ZNF708: variants seen among roughly 807,000 people sequenced by gnomAD.
The protein encoded by ZNF708 is ZNF15, ZNF15L1.
In ZNF708, 44 loss-of-function variants were observed where a neutral mutation model predicts 47.0. The ratio of observed to expected loss-of-function variants is 0.94; its 90% CI spans 0.74 to 1.20. The LOEUF (loss-of-function observed/expected upper bound fraction) is 1.20, where lower values mean the gene tolerates loss of function less well. Ranked by LOEUF, ZNF708 falls within the 50% of genes most tolerant of loss-of-function variation. The pLI, the probability that ZNF708 is intolerant of heterozygous loss-of-function variation, is 0.00. For missense variants in ZNF708, 557 were observed against 656.0 expected (o/e 0.85, Z 1.65); for synonymous variants, 184 against 218.5 (o/e 0.84, Z 1.39).
intron 3 of ZNF708, among the ~76,000 whole-genome samples, chr19:21,303,020 G>A (rs538146513): frequency 7.2e-5 from 11 of 152,142 alleles, no homozygotes; most frequent in African/African-American, 2.7e-4. Flanking sequence ...GGTCAAAGTG[G>A]GCTGATCACT....
At chr19:21,313,823 A>C (rs1972951961) in intron 1 of ZNF708, among the ~76,000 whole-genome samples, 2 of 152,014 alleles carry the variant, frequency 1.3e-5, no homozygotes, top group Non-Finnish European at 2.9e-5. Context: ...GATTACAGAA[A>C]GAGTTTAATG....
intron 1 of ZNF708, among the ~76,000 whole-genome samples, chr19:21,323,978 G>A (rs1442046373): frequency 1.3e-5 from 2 of 152,104 alleles, no homozygotes; most frequent in South Asian, 2.1e-4. Flanking sequence ...AGTGGCTCAC[G>A]CCTGTAATCC....
chr19:21,307,020 CAT>C (rs1218582688), intron 3 of ZNF708: 2 of 134,952 alleles, frequency 1.5e-5, no homozygotes, highest in East Asian at 4.2e-4. Flanking sequence ...TAAAACATAA[CAT>C]AACATAACAT....
At chr19:21,301,076 T>C (rs1174292244) in intron 3 of ZNF708, among the ~76,000 whole-genome samples, 1 of 152,164 alleles carries the variant, frequency 6.6e-6, no homozygotes, top group Non-Finnish European at 1.5e-5. Flanking sequence ...AATTAAAATA[T>C]GAAATGTAAA....
intron 3 of ZNF708, among the ~76,000 whole-genome samples, chr19:21,301,752 A>G (rs1174581890): frequency 6.6e-6 from 1 of 152,188 alleles, no homozygotes; most frequent in Non-Finnish European, 1.5e-5. Context: ...AGCCGAGATC[A>G]CATCACTGCA....
chr19:21,311,559 A>G (rs1460813133), intron 1 of ZNF708, among the ~76,000 whole-genome samples: 3 of 152,158 alleles, frequency 2.0e-5, no homozygotes, highest in African/African-American at 7.2e-5. Context: ...AAAGTTCAAG[A>G]TAAACATATC....
chr19:21,309,802 T>C (rs996685902), intron 2 of ZNF708, among the ~76,000 whole-genome samples: 7 of 152,238 alleles, frequency 4.6e-5, no homozygotes, highest in Admixed American at 2.6e-4. Context: ...TACTAACTTA[T>C]AACAAAATTT....
chr19:21,316,932 G>A lies in ZNF708; in HGVS notation c.4-6305C>T, dbSNP rs140822274. On this transcript the variant is annotated intron_variant, in intron 1 of 3. Transcript: ENST00000356929. ...CTCCCCAGTAGCTGGCATTACAGGC[G>A]TGTGCCACCACCCTCAGCTAATTTT... is the stretch of plus-strand genomic sequence containing the variant. 7.9e-3 allele frequency among the ~76,000 whole-genome samples: 1,199 copies of A among 152,028 alleles called. 9 individuals are homozygous for A. The highest frequency in any genetic ancestry group is 0.051 in the Middle Eastern group (15 of 294).
At position 21,294,543 on chromosome 19, in the gene ZNF708, C is replaced by A. The variant is rs976187447; in HGVS notation, c.423G>T (p.Gln141His). The change falls in exon 4 of 4, where the codon CAG becomes CAT. Residue 141 changes from glutamine (Q) to histidine (H), a missense_variant. By Grantham distance (24) the Gln-to-His change is conservative. Transcript: ENST00000356929. ...GAAAGACTTTCACGTATTTGTCACACTGAACTATTTTGCTCTGGGTAGTTG... is the reference window on the plus strand; with the variant it reads ...GAAAGACTTTCACGTATTTGTCACAATGAACTATTTTGCTCTGGGTAGTTG... The part of the protein sequence containing the change: ...CVTTTQSKIV[Q>H]CDKYVKVFHK... 3.1e-6 allele frequency: 5 copies of A among 1,613,996 alleles called. No individual in the cohort carries two copies. The highest frequency in any genetic ancestry group is 4.2e-6 in the Non-Finnish European group (5 of 1,180,012).
At chr19:21,299,041 A>G (rs2145153633) in intron 3 of ZNF708, among the ~76,000 whole-genome samples, 1 of 152,296 alleles carries the variant, frequency 6.6e-6, no homozygotes. Context: ...ATGAAATGGG[A>G]ATAATTGGTA....
intron 1 of ZNF708, among the ~76,000 whole-genome samples, chr19:21,317,865 G>T (rs1973046945): frequency 6.6e-6 from 1 of 152,184 alleles, no homozygotes; most frequent in Non-Finnish European, 1.5e-5. Flanking sequence ...AGGTAGTTTT[G>T]CAACTTGACA....
At chr19:21,326,803 G>A (rs767945885) in intron 1 of ZNF708, among the ~76,000 whole-genome samples, 1 of 151,980 alleles carries the variant, frequency 6.6e-6, no homozygotes, top group Non-Finnish European at 1.5e-5. Context: ...ATGGTGGCAC[G>A]CCCACCTGTA....
chr19:21,305,107 T>C (rs1445936240), intron 3 of ZNF708, among the ~76,000 whole-genome samples: 2 of 150,230 alleles, frequency 1.3e-5, no homozygotes, highest in African/African-American at 4.9e-5. Flanking sequence ...GCCTCCAGGG[T>C]TCAAGCAATT....
At chr19:21,329,098 G>T in intron 1 of ZNF708, 112 bp downstream of exon 1, 1 of 1,497,418 alleles carries the variant, frequency 6.7e-7, no homozygotes, top group Non-Finnish European at 9.3e-7. Flanking sequence ...AGGAGAACTC[G>T]GAGCGCAGAT....
intron 1 of ZNF708, among the ~76,000 whole-genome samples, chr19:21,317,991 C>T (rs747986890): frequency 1.4e-4 from 21 of 152,194 alleles, no homozygotes; most frequent in Non-Finnish European, 2.6e-4. Flanking sequence ...GAGCACTCAG[C>T]TACAGCACTC....
At position 21,293,796 on chromosome 19, in the gene ZNF708, T is replaced by A. The variant is rs1173616841; in HGVS notation, c.1170A>T (p.Lys390Asn). The change falls in exon 4 of 4, where the codon AAA becomes AAT. Residue 390 changes from lysine (K) to asparagine (N), a missense_variant. By Grantham distance (94) the Lys-to-Asn change is moderately conservative (BLOSUM62 0). Transcript: ENST00000356929. ...TACCACATTCTTCACATTTGTAGGG[T>A]TTCTCTCCAGTATGAATTACCTTAT... is the stretch of plus-strand genomic sequence containing the variant. ...TNHKVIHTGE[K>N]PYKCEECGKA... 1 of 1,613,624 alleles carries A rather than the reference T, an allele frequency of 6.2e-7. No homozygotes were observed. Among genetic ancestry groups the A allele is most frequent in the Non-Finnish European group, 8.5e-7 (1 of 1,179,856 alleles).
In ZNF708 at chr19:21,294,262, T is replaced by C. The variant is rs1274828187; in HGVS notation, c.704A>G (p.Gln235Arg). 6.2e-7 allele frequency: 1 copy of C among 1,612,150 alleles called. No homozygotes were observed. Among genetic ancestry groups the C allele is most frequent in the South Asian group, 1.1e-5 (1 of 91,002 alleles). ...KCEECGKAFN[Q>R]SSTLTRHKII... ...CTTATGTCTAGTAAGAGTTGAGGAC[T>C]GGTTAAAAGCTTTTCCACATTCTTC... The change falls in exon 4 of 4, where the codon CAG becomes CGG. Residue 235 changes from glutamine to arginine, a missense_variant. By Grantham distance (43) the Gln-to-Arg change is conservative. Coordinates refer to ENST00000356929, the MANE Select transcript of ZNF708 (RefSeq NM_021269.3).
rs753692572 is a variant in ZNF708 at position 21,294,096 on chromosome 19, T to G, written c.870A>C (p.Lys290Asn). The G allele has an allele frequency of 5.0e-6, 8 of 1,604,216 alleles. No individual in the cohort carries two copies. The highest frequency in any genetic ancestry group is 1.4e-5 in the African/African-American group (1 of 71,980). ...YKCEECGKAF[K>N]QSSNLTNHKK... The stretch of plus-strand genomic sequence containing the variant: ...TGTGATTAGTAAGGTTTGAGGACTG[T>G]TTAAAAGCTTTGCCACATTCTTCAC... Residue 290 changes from lysine (K) to asparagine (N), a missense_variant, in exon 4 of 4, where the codon AAA (lysine) becomes AAC (asparagine). Physicochemically the swap from Lys to Asn is moderately conservative, Grantham distance 94. Transcript: ENST00000356929.
intron 1 of ZNF708, among the ~76,000 whole-genome samples, chr19:21,312,071 G>T (rs1182662502): frequency 6.6e-6 from 1 of 152,100 alleles, no homozygotes; most frequent in Non-Finnish European, 1.5e-5. Flanking sequence ...AAGGGGGGTG[G>T]ATCTTCTGAG....
Sources: gnomAD v4.1 joint callset for allele counts (sites outside exome capture counted in the v4.1 genomes callset) on GRCh38, gnomAD v4.1.1 for gene constraint, MANE v1.5 for transcripts, NCBI Gene and HGNC (gene_info 2026-07-23, HGNC 2026-07-21) for gene names.